Variants in SOX2 observed in about 807,000 individuals in gnomAD.
SOX2 encodes the protein transcription factor SOX-2.
In SOX2, 2 loss-of-function variants were observed where a neutral mutation model predicts 19.7. That is an observed-to-expected ratio of 0.10 (90% confidence interval 0.04 to 0.32). The LOEUF (loss-of-function observed/expected upper bound fraction) is 0.32. Among genes scored for constraint, SOX2 ranks in the 10% least tolerant of loss-of-function variants. SOX2 has a pLI of 1.00. For missense variants in SOX2, 294 were observed against 459.9 expected (o/e 0.64, Z 3.30); for synonymous variants, 211 against 196.8 (o/e 1.07, Z -0.60).
rs104893803 is a variant in SOX2, at chr3:181,712,823, C to G, written c.463C>G (p.Gln155Glu). 1 of 1,604,188 alleles carries G rather than the reference C, an allele frequency of 6.2e-7. No individual in the cohort carries two copies. Among genetic ancestry groups the G allele is most frequent in the Non-Finnish European group, 8.5e-7 (1 of 1,176,020 alleles). Residue 155 changes from glutamine (Q) to glutamate (E), a missense_variant, in exon 1 of 1, where the codon CAG (glutamine) becomes GAG (glutamate). Coordinates refer to ENST00000325404, the MANE Select transcript of SOX2 (RefSeq NM_003106.4). The surrounding 1 kb of genome is among the most constrained non-coding windows in gnomAD (Gnocchi z 8.5). ...VGAGLGAGVN[Q>E]RMDSYAHMNG... ...CGCCGGCCTGGGCGCGGGCGTGAAC[C>G]AGCGCATGGACAGTTACGCGCACAT...
rs1233214370 is a variant in SOX2, at chr3:181,713,562, C to A, written c.*248C>A. 5.4e-5 allele frequency: 8 copies of A among 146,802 alleles called. No individual in the cohort carries two copies. Among genetic ancestry groups the A allele is most frequent in the Middle Eastern group, 2.9e-3 (1 of 340 alleles). 9.1% of individuals were successfully genotyped at this position (146,802 alleles called of 1,614,324 possible). A position where few individuals can be genotyped will look rare whatever the true frequency, so the allele number is the denominator to read the frequency against. On this transcript the variant is annotated 3_prime_UTR_variant, in exon 1 of 1. Coordinates refer to ENST00000325404, the MANE Select transcript of SOX2 (RefSeq NM_003106.4). ...CTTTTATGAGAGAGATCCTGGACTTCTTTTTGGGGGACTATTTTTGTACAG... is the reference window on the plus strand; with the variant it reads ...CTTTTATGAGAGAGATCCTGGACTTATTTTTGGGGGACTATTTTTGTACAG...
Position 181,713,432 on chromosome 3 carries a change from A to G in SOX2, c.*118A>G. The G allele has an allele frequency of 1.5e-6, 2 of 1,308,506 alleles. No homozygotes were observed. The highest frequency in any genetic ancestry group is 2.1e-6 in the Non-Finnish European group (2 of 943,118). 81.1% of individuals were successfully genotyped at this position (1,308,506 alleles called of 1,614,324 possible). ...GAGAAAACCCGGTACGCTCAAAAAG[A>G]AAAAGGAAAAAAAAAAATCCCATCA... On this transcript the variant is annotated 3_prime_UTR_variant, in exon 1 of 1. Coordinates refer to ENST00000325404, the MANE Select transcript of SOX2 (RefSeq NM_003106.4).
In SOX2 at chr3:181,713,338, G is replaced by T. The variant is rs1714886443; in HGVS notation, c.*24G>T. The T allele has an allele frequency of 6.4e-7, 1 of 1,552,806 alleles. No individual in the cohort carries two copies. Among genetic ancestry groups the T allele is most frequent in the Non-Finnish European group, 8.7e-7 (1 of 1,148,168 alleles). On this transcript the variant is annotated 3_prime_UTR_variant, in exon 1 of 1. Coordinates refer to ENST00000325404, the MANE Select transcript of SOX2 (RefSeq NM_003106.4). ...GAGGGCCGGACAGCGAACTGGAGGG[G>T]GGAGAAATTTTCAAAGAAAAACGAG...
Position 181,713,173 on chromosome 3 carries a change from G to A in SOX2, c.813G>A (p.Arg271=). Residue 271 remains arginine (R), a synonymous_variant, in exon 1 of 1, where the codon CGG becomes CGA. Coordinates refer to ENST00000325404, the MANE Select transcript of SOX2 (RefSeq NM_003106.4). ...CGCCCTGCCAGGCCGGGGACCTCCG[G>A]GACATGATCAGCATGTATCTCCCCG... ...SRAPCQAGDL[R]DMISMYLPGA... 6.2e-7 allele frequency: 1 copy of A among 1,613,434 alleles called. No individual in the cohort carries two copies. The highest frequency in any genetic ancestry group is 2.2e-5 in the East Asian group (1 of 44,860).
chr3:181,713,478 CAAAAGAGA>C lies in SOX2; in HGVS notation c.*166_*173del, dbSNP rs1714893309. Reference sequence around the variant, plus strand: ...CATCACCCACAGCAAATGACAGCTGCAAAAGAGAACACCAATCCCATCCACACTCACGC... The same window carrying C: ...CATCACCCACAGCAAATGACAGCTGCACACCAATCCCATCCACACTCACGC... On this transcript the variant is annotated 3_prime_UTR_variant, in exon 1 of 1. Coordinates refer to ENST00000325404, the MANE Select transcript of SOX2 (RefSeq NM_003106.4). 2.2e-6 allele frequency: 2 copies of C among 917,528 alleles called. No homozygotes were observed. The highest frequency in any genetic ancestry group is 3.3e-6 in the Non-Finnish European group (2 of 603,686). 56.8% of individuals were successfully genotyped at this position (917,528 alleles called of 1,614,324 possible). A position where few individuals can be genotyped will look rare whatever the true frequency, so the allele number is the denominator to read the frequency against.
chr3:181,714,434 A>T lies in SOX2; in HGVS notation c.*1120A>T. Reference sequence around the variant, plus strand: ...ATAAATTTTTGAAATATGGACACTGAAATTATTCTTGAGTCTTTCATTTAT... The same window carrying T: ...ATAAATTTTTGAAATATGGACACTGTAATTATTCTTGAGTCTTTCATTTAT... On this transcript the variant is annotated 3_prime_UTR_variant, in exon 1 of 1. Transcript: ENST00000325404. 4.5e-6 allele frequency: 1 copy of T among 220,390 alleles called. No individual in the cohort carries two copies. The highest frequency in any genetic ancestry group is 9.9e-6 in the Non-Finnish European group (1 of 100,572). The allele number at this position is 220,390 out of a possible 1,614,324, so 13.7% of individuals were successfully genotyped here. A position where few individuals can be genotyped will look rare whatever the true frequency, so the allele number is the denominator to read the frequency against.
Position 181,712,077 on chromosome 3 carries a change from G to A in SOX2, c.-284G>A, listed in dbSNP as rs1418888163. 3 of 350,184 alleles carry A rather than the reference G, an allele frequency of 8.6e-6. No homozygotes were observed. Among genetic ancestry groups the A allele is most frequent in the Non-Finnish European group, 1.5e-5 (3 of 196,624 alleles). The allele number at this position is 350,184 out of a possible 1,614,324, so 21.7% of individuals were successfully genotyped here. A position where few individuals can be genotyped will look rare whatever the true frequency, so the allele number is the denominator to read the frequency against. ...GAGAAAGAAAGGGAGAGAAGTTTGA[G>A]CCCCAGGCTTAAGCCTTTCCAAAAA... On this transcript the variant is annotated 5_prime_UTR_variant, in exon 1 of 1. Transcript: ENST00000325404. The surrounding 1 kb of genome is among the most constrained non-coding windows in gnomAD (Gnocchi z 8.5).
chr3:181,713,678 A>G lies in SOX2; in HGVS notation c.*364A>G, dbSNP rs1441138792. 2 of 406,262 alleles carry G rather than the reference A, an allele frequency of 4.9e-6. No homozygotes were observed. Among genetic ancestry groups the G allele is most frequent in the Non-Finnish European group, 9.2e-6 (2 of 217,860 alleles). The allele number at this position is 406,262 out of a possible 1,614,324, so 25.2% of individuals were successfully genotyped here. On this transcript the variant is annotated 3_prime_UTR_variant, in exon 1 of 1. Transcript: ENST00000325404. Reference sequence around the variant, plus strand: ...CTACGAAAAACTTTTTAAAAGTTCTAGTGGTACGGTAGGAGCTTTGCAGGA... The same window carrying G: ...CTACGAAAAACTTTTTAAAAGTTCTGGTGGTACGGTAGGAGCTTTGCAGGA...
rs2108523628 is a variant in SOX2 at position 181,713,212 on chromosome 3, G to A, written c.852G>A (p.Pro284=). Reference sequence around the variant, plus strand: ...TGTATCTCCCCGGCGCCGAGGTGCCGGAACCCGCCGCCCCCAGCAGACTTC... The same window carrying A: ...TGTATCTCCCCGGCGCCGAGGTGCCAGAACCCGCCGCCCCCAGCAGACTTC... The part of the protein sequence containing the change: ...ISMYLPGAEV[P]EPAAPSRLHM... Residue 284 remains proline, a synonymous_variant, in exon 1 of 1, where the codon CCG becomes CCA. Transcript: ENST00000325404. 6.2e-7 allele frequency: 1 copy of A among 1,612,652 alleles called. No individual in the cohort carries two copies. The highest frequency in any genetic ancestry group is 8.5e-7 in the Non-Finnish European group (1 of 1,179,864).
rs1007496277 is a variant in SOX2 at position 181,712,299 on chromosome 3, A to G, written c.-62A>G. On this transcript the variant is annotated 5_prime_UTR_variant, in exon 1 of 1. Transcript: ENST00000325404. This position sits in a 1 kb window ranked among gnomAD's most constrained non-coding sequence, Gnocchi z 8.5. ...TCTCCCCCCGCCCGCGGGCCCCCCA[A>G]AGTCCCGGCCGGGCCGAGGGTCGGC... 93 of 1,272,052 alleles carry G rather than the reference A, an allele frequency of 7.3e-5. No individual in the cohort carries two copies. Among genetic ancestry groups the G allele is most frequent in the Non-Finnish European group, 8.8e-5 (89 of 1,010,838 alleles). 78.8% of individuals were successfully genotyped at this position (1,272,052 alleles called of 1,614,324 possible).
Position 181,713,074 on chromosome 3 carries a change from C to T in SOX2, c.714C>T (p.Gly238=). 1.9e-6 allele frequency: 3 copies of T among 1,613,910 alleles called. No individual in the cohort carries two copies. In the South Asian group the frequency reaches 3.3e-5, roughly 18 times the overall value. The stretch of plus-strand genomic sequence containing the variant: ...AGGGCACCCCTGGCATGGCTCTTGG[C>T]TCCATGGGTTCGGTGGTCAAGTCCG... ...SQQGTPGMAL[G]SMGSVVKSEA... is the part of the protein sequence containing the mutation. The change falls in exon 1 of 1, where the codon GGC becomes GGT. Residue 238 remains glycine, a synonymous_variant. Coordinates refer to ENST00000325404, the MANE Select transcript of SOX2 (RefSeq NM_003106.4).
Position 181,712,900 on chromosome 3 carries a change from C to G in SOX2, c.540C>G (p.Tyr180Ter), listed in dbSNP as rs771521201. The change falls in exon 1 of 1, where the codon TAC becomes TAG. Residue 180 changes from tyrosine (Y) to a stop codon, truncating the protein, a stop_gained. Coordinates refer to ENST00000325404, the MANE Select transcript of SOX2 (RefSeq NM_003106.4). LOFTEE classifies it high-confidence loss of function. The surrounding 1 kb of genome is among the most constrained non-coding windows in gnomAD (Gnocchi z 8.5). Reference sequence around the variant, plus strand: ...GCATGATGCAGGACCAGCTGGGCTACCCGCAGCACCCGGGCCTCAATGCGC... The same window carrying G: ...GCATGATGCAGGACCAGCTGGGCTAGCCGCAGCACCCGGGCCTCAATGCGC... Reference protein sequence around the residue: ...SYSMMQDQLGYPQHPGLNAHG... With the variant: ...SYSMMQDQLG 1 of 1,612,802 alleles carries G rather than the reference C, an allele frequency of 6.2e-7. No homozygotes were observed. Among genetic ancestry groups the G allele is most frequent in the Non-Finnish European group, 8.5e-7 (1 of 1,179,680 alleles).
chr3:181,712,387 G>A lies in SOX2; in HGVS notation c.27G>A (p.Leu9=), dbSNP rs2108521312. ...TGTACAACATGATGGAGACGGAGCT[G>A]AAGCCGCCGGGCCCGCAGCAAACTT... MYNMMETE[L]KPPGPQQTSG... is the part of the protein sequence containing the mutation. Residue 9 remains leucine, a synonymous_variant, in exon 1 of 1, where the codon CTG becomes CTA. Transcript: ENST00000325404. This position sits in a 1 kb window ranked among gnomAD's most constrained non-coding sequence, Gnocchi z 8.5. 1 of 1,566,364 alleles carries A rather than the reference G, an allele frequency of 6.4e-7. No homozygotes were observed. Among genetic ancestry groups the A allele is most frequent in the Non-Finnish European group, 8.6e-7 (1 of 1,157,024 alleles).
chr3:181,712,097 C>T lies in SOX2; in HGVS notation c.-264C>T. 2.7e-6 allele frequency: 1 copy of T among 371,326 alleles called. No individual in the cohort carries two copies. The highest frequency in any genetic ancestry group is 4.7e-6 in the Non-Finnish European group (1 of 210,792). 23.0% of individuals were successfully genotyped at this position (371,326 alleles called of 1,614,324 possible). On this transcript the variant is annotated 5_prime_UTR_variant, in exon 1 of 1. Coordinates refer to ENST00000325404, the MANE Select transcript of SOX2 (RefSeq NM_003106.4). The surrounding 1 kb of genome is among the most constrained non-coding windows in gnomAD (Gnocchi z 8.5). ...TTTGAGCCCCAGGCTTAAGCCTTTCCAAAAAATAATAATAACAATCATCGG... is the reference window on the plus strand; with the variant it reads ...TTTGAGCCCCAGGCTTAAGCCTTTCTAAAAAATAATAATAACAATCATCGG...
In SOX2 at chr3:181,713,420, ACGCT is replaced by A; in HGVS notation, c.*108_*111del. The A allele has an allele frequency of 7.1e-7, 1 of 1,407,392 alleles. No individual in the cohort carries two copies. Among genetic ancestry groups the A allele is most frequent in the Admixed American group, 2.1e-5 (1 of 46,806 alleles). The allele number at this position is 1,407,392 out of a possible 1,614,324, so 87.2% of individuals were successfully genotyped here. On this transcript the variant is annotated 3_prime_UTR_variant, in exon 1 of 1. Transcript: ENST00000325404. The stretch of plus-strand genomic sequence containing the variant: ...AGAAACAGCATGGAGAAAACCCGGT[ACGCT>A]CAAAAAGAAAAAGGAAAAAAAAAAA...
Position 181,713,990 on chromosome 3 carries a change from T to A in SOX2, c.*676T>A. Reference sequence around the variant, plus strand: ...TTAAAAATTGTACAAAAGGAAAAAATTAGAATAAGTACTGGCGAACCATCT... The same window carrying A: ...TTAAAAATTGTACAAAAGGAAAAAAATAGAATAAGTACTGGCGAACCATCT... On this transcript the variant is annotated 3_prime_UTR_variant, in exon 1 of 1. Coordinates refer to ENST00000325404, the MANE Select transcript of SOX2 (RefSeq NM_003106.4). 1 of 245,162 alleles carries A rather than the reference T, an allele frequency of 4.1e-6. No individual in the cohort carries two copies. The highest frequency in any genetic ancestry group is 8.6e-6 in the Non-Finnish European group (1 of 116,414). 15.2% of individuals were successfully genotyped at this position (245,162 alleles called of 1,614,324 possible).
chr3:181,712,242 C>A lies in SOX2; in HGVS notation c.-119C>A. On this transcript the variant is annotated 5_prime_UTR_variant, in exon 1 of 1. Transcript: ENST00000325404. This position sits in a 1 kb window ranked among gnomAD's most constrained non-coding sequence, Gnocchi z 8.5. ...CTGATTTTCCTCGCGGAGCCCTGCG[C>A]TCCCGACACCCCCGCCCGCCTCCCC... is the stretch of plus-strand genomic sequence containing the variant. 1.3e-6 allele frequency: 1 copy of A among 743,328 alleles called. No homozygotes were observed. Among genetic ancestry groups the A allele is most frequent in the African/African-American group, 1.8e-5 (1 of 54,702 alleles). 46.0% of individuals were successfully genotyped at this position (743,328 alleles called of 1,614,324 possible). A position where few individuals can be genotyped will look rare whatever the true frequency, so the allele number is the denominator to read the frequency against.
Position 181,713,531 on chromosome 3 carries a change from A to G in SOX2, c.*217A>G. On this transcript the variant is annotated 3_prime_UTR_variant, in exon 1 of 1. Transcript: ENST00000325404. ...TCACGCAAAAACCGCGATGCCGACA[A>G]GAAAACTTTTATGAGAGAGATCCTG... 1 of 639,510 alleles carries G rather than the reference A, an allele frequency of 1.6e-6. No homozygotes were observed. Among genetic ancestry groups the G allele is most frequent in the Non-Finnish European group, 2.7e-6 (1 of 364,874 alleles). The allele number at this position is 639,510 out of a possible 1,614,324, so 39.6% of individuals were successfully genotyped here. A position where few individuals can be genotyped will look rare whatever the true frequency, so the allele number is the denominator to read the frequency against.
rs769520201 is a variant in SOX2, at chr3:181,712,747, C to G, written c.387C>G (p.Gly129=). ...LMKKDKYTLP[G]GLLAPGGNSM... is the part of the protein sequence containing the mutation. The stretch of plus-strand genomic sequence containing the variant: ...AGAAGGATAAGTACACGCTGCCCGG[C>G]GGGCTGCTGGCCCCCGGCGGCAATA... The change falls in exon 1 of 1, where the codon GGC becomes GGG. Residue 129 remains glycine, a synonymous_variant. Transcript: ENST00000325404. This position sits in a 1 kb window ranked among gnomAD's most constrained non-coding sequence, Gnocchi z 8.5. 1.6e-5 allele frequency: 26 copies of G among 1,609,562 alleles called. No homozygotes were observed. In the South Asian group the frequency reaches 2.9e-4, roughly 18 times the overall value.
Sources: allele counts gnomAD v4.1 joint callset, GRCh38; gene constraint gnomAD v4.1.1; non-coding constraint Gnocchi (gnomAD v3.1); transcripts MANE v1.5; gene names NCBI Gene and HGNC (gene_info 2026-07-23, HGNC 2026-07-21).